The following NFATC2 variants were observed in gnomAD, a reference collection of about 807,000 sequenced individuals.
The protein encoded by NFATC2 is nuclear factor of activated T cells 2.
Under a neutral mutation model 87.3 loss-of-function variants are expected in NFATC2, and 22 were observed. The ratio of observed to expected loss-of-function variants is 0.25; its 90% CI spans 0.18 to 0.36. The LOEUF (loss-of-function observed/expected upper bound fraction) is 0.36, where lower values mean the gene tolerates loss of function less well. Among genes scored for constraint, NFATC2 ranks in the 10% least tolerant of loss-of-function variants. NFATC2 has a pLI of 1.00. For synonymous variants in NFATC2, 565 were observed against 542.2 expected (o/e 1.04, Z -0.58); for missense variants, 1,149 against 1,259.1 (o/e 0.91, Z 1.32).
At chr20:51,472,629 CTTTTT>C (rs1223762055) in intron 5 of NFATC2, among the ~76,000 whole-genome samples, 24 of 92,726 alleles carry the variant, frequency 2.6e-4, no homozygotes, top group Middle Eastern at 6.8e-3. Context: ...CTTCTTTCTT[CTTTTT>C]TTTTTTTTTT....
intron 9 of NFATC2, among the ~76,000 whole-genome samples, chr20:51,420,970 A>G (rs1415288882): frequency 2.0e-5 from 3 of 152,016 alleles, no homozygotes; most frequent in Non-Finnish European, 1.5e-5. Flanking sequence ...CTGAGGCAGG[A>G]AGATTGTTTG....
chr20:51,498,237 A>C (rs1002615661), intron 3 of NFATC2, among the ~76,000 whole-genome samples: 1 of 151,644 alleles, frequency 6.6e-6, no homozygotes, highest in African/African-American at 2.4e-5. Context: ...CATCACCCAG[A>C]CTCCCAGGGC....
intron 3 of NFATC2, among the ~76,000 whole-genome samples, chr20:51,509,893 G>T (rs2146666427): frequency 6.6e-6 from 1 of 152,356 alleles, no homozygotes; most frequent in East Asian, 1.9e-4. Flanking sequence ...CAGTAGCCTG[G>T]ACAGGTGGGC....
chr20:51,482,184 A>G (rs1054367265), intron 3 of NFATC2, among the ~76,000 whole-genome samples: 13 of 152,164 alleles, frequency 8.5e-5, no homozygotes, highest in Admixed American at 7.2e-4. Flanking sequence ...CAGCTCAGCA[A>G]TAAGAACCCA....
At position 51,524,163 on chromosome 20, in the gene NFATC2, C is replaced by T; in HGVS notation, c.131-53G>A. 1 of 1,397,898 alleles carries T rather than the reference C, an allele frequency of 7.2e-7. No individual in the cohort carries two copies. Among genetic ancestry groups the T allele is most frequent in the South Asian group, 1.8e-5 (1 of 54,748 alleles). The allele number at this position is 1,397,898 out of a possible 1,614,324, so 86.6% of individuals were successfully genotyped here. ...TTTTTAAGCCTCAAAAACAGAACTC[C>T]CGGTGCAGAGCAATCACAGGCTGGA... On this transcript the variant is annotated intron_variant, in intron 1 of 10. Transcript: ENST00000371564. The surrounding 1 kb of genome is among the most constrained non-coding windows in gnomAD (Gnocchi z 4.0).
chr20:51,554,990 T>C (rs1381109530), intron 1 of NFATC2, among the ~76,000 whole-genome samples: 1 of 152,182 alleles, frequency 6.6e-6, no homozygotes, highest in Non-Finnish European at 1.5e-5. Flanking sequence ...ACCATCCCTG[T>C]GGAACCCTGG....
At chr20:51,449,990 T>G (rs574570371) in intron 6 of NFATC2, among the ~76,000 whole-genome samples, 1 of 152,358 alleles carries the variant, frequency 6.6e-6, no homozygotes, top group Admixed American at 6.5e-5. Flanking sequence ...TTACTTGTCT[T>G]TGTTTTTCTA....
chr20:51,456,857 G>T (rs1469018532), intron 5 of NFATC2, among the ~76,000 whole-genome samples: 1 of 152,220 alleles, frequency 6.6e-6, no homozygotes, highest in Admixed American at 6.5e-5. Flanking sequence ...CCACTCAATG[G>T]AGCAACGATG....
upstream of NFATC2, among the ~76,000 whole-genome samples, chr20:51,547,154 G>A (rs187019578): frequency 6.6e-6 from 1 of 152,268 alleles, no homozygotes; most frequent in East Asian, 1.9e-4. Context: ...CTCTGAGGAT[G>A]AGAAATTGCA....
At chr20:51,519,153 C>T (rs113254614) in intron 2 of NFATC2, among the ~76,000 whole-genome samples, 1 of 152,292 alleles carries the variant, frequency 6.6e-6, no homozygotes, top group African/African-American at 2.4e-5. Flanking sequence ...ATATCATATA[C>T]ACAAGTGAAA....
At chr20:51,403,097 T>A (rs78477550) in intron 9 of NFATC2, among the ~76,000 whole-genome samples, 1 of 152,136 alleles carries the variant, frequency 6.6e-6, no homozygotes, top group Non-Finnish European at 1.5e-5. Flanking sequence ...GCGCACGTCC[T>A]GGAAGCAGAG....
chr20:51,467,645 T>C (rs575461438), intron 5 of NFATC2, among the ~76,000 whole-genome samples: 1 of 152,210 alleles, frequency 6.6e-6, no homozygotes, highest in South Asian at 2.1e-4. Context: ...AAAACCACAA[T>C]GAGATCCCAT....
At chr20:51,475,922 A>C (rs997541623) in intron 3 of NFATC2, among the ~76,000 whole-genome samples, 1 of 152,220 alleles carries the variant, frequency 6.6e-6, no homozygotes, top group Non-Finnish European at 1.5e-5. Flanking sequence ...ATGGAGAAAC[A>C]GCCAGAAACT....
At chr20:51,542,235 AC>A in intron 1 of NFATC2, 134 bp downstream of exon 1, 1 of 1,139,134 alleles carries the variant, frequency 8.8e-7, no homozygotes, top group Non-Finnish European at 1.2e-6. Flanking sequence ...CCTCCCTGGC[AC>A]CTGGGTAGGG....
intron 6 of NFATC2, among the ~76,000 whole-genome samples, chr20:51,444,914 T>C (rs1031374645): frequency 2.6e-5 from 4 of 152,024 alleles, no homozygotes; most frequent in African/African-American, 4.8e-5. Context: ...TACTGAGATC[T>C]AGAAAGGAAG....
At chr20:51,497,765 C>T (rs147137872) in intron 3 of NFATC2, among the ~76,000 whole-genome samples, 129 of 152,148 alleles carry the variant, frequency 8.5e-4, no homozygotes, top group South Asian at 1.9e-3. Context: ...CTGAGAGGCA[C>T]GCTTTGGACA....
At chr20:51,406,577 C>T (rs1376251068) in intron 9 of NFATC2, among the ~76,000 whole-genome samples, 5 of 152,308 alleles carry the variant, frequency 3.3e-5, no homozygotes, top group East Asian at 1.9e-4. Context: ...TGACTGGAGG[C>T]GCCCCGGCTT....
chr20:51,484,874 G>A (rs1440179922), intron 3 of NFATC2, among the ~76,000 whole-genome samples: 2 of 152,192 alleles, frequency 1.3e-5, no homozygotes, highest in Non-Finnish European at 2.9e-5. Context: ...CTTCAGTCCT[G>A]CAGGAGGCCA....
At chr20:51,501,966 A>G (rs1253724054) in intron 3 of NFATC2, among the ~76,000 whole-genome samples, 1 of 152,228 alleles carries the variant, frequency 6.6e-6, no homozygotes, top group Non-Finnish European at 1.5e-5. Context: ...CTGTGTATCA[A>G]TAAAACCTTA....
Sources: gnomAD v4.1 joint callset for allele counts (sites outside exome capture counted in the v4.1 genomes callset) on GRCh38, gnomAD v4.1.1 for gene constraint, Gnocchi (gnomAD v3.1) non-coding constraint, MANE v1.5 for transcripts, NCBI Gene and HGNC (gene_info 2026-07-23, HGNC 2026-07-21) for gene names.